The following RIC8B variants were observed in gnomAD, a reference collection of about 807,000 sequenced individuals.
RIC8B encodes RIC8 guanine nucleotide exchange factor B, also known as chaperone Ric-8B.
RIC8B carries 16 observed loss-of-function variants against 57.5 expected under a neutral mutation model. That is an observed-to-expected ratio of 0.28 (90% CI 0.19 to 0.42). RIC8B has a LOEUF of 0.42. RIC8B is among the 10% of genes least tolerant of loss of function. The pLI is 1.00. For missense variants in RIC8B, 481 were observed against 677.0 expected (o/e 0.71, Z 3.21); for synonymous variants, 216 against 250.8 (o/e 0.86, Z 1.31).
At chr12:106,826,682 G>C (rs1008705351) in intron 4 of RIC8B, among the ~76,000 whole-genome samples, 1 of 152,230 alleles carries the variant, frequency 6.6e-6, no homozygotes, top group Non-Finnish European at 1.5e-5. Context: ...CTGAACCTGG[G>C]AGGTGGAGGT....
At chr12:106,880,773 A>G (rs1950887252) in intron 9 of RIC8B, among the ~76,000 whole-genome samples, 1 of 152,060 alleles carries the variant, frequency 6.6e-6, no homozygotes, top group Non-Finnish European at 1.5e-5. Context: ...TCTATACTAG[A>G]TACTGGCAAA....
In RIC8B at chr12:106,842,745, C is replaced by G; in HGVS notation, c.993C>G (p.Thr331=). 6.2e-7 allele frequency: 1 copy of G among 1,613,698 alleles called. No homozygotes were observed. The highest frequency in any genetic ancestry group is 8.5e-7 in the Non-Finnish European group (1 of 1,179,744). Residue 331 remains threonine (T), a synonymous_variant, in exon 5 of 10, where the codon ACC becomes ACG. Transcript: ENST00000392837. ...AAGAAACAGTTTTGAAAAACAATAC[C>G]ATGGTATACAATGGTATGAATATGG... is the stretch of plus-strand genomic sequence containing the variant. ...AEKETVLKNN[T]MVYNGMNMEA...
chr12:106,822,033 G>A (rs12368479), intron 3 of RIC8B, among the ~76,000 whole-genome samples: 32,353 of 137,246 alleles, frequency 0.24, 3,715 homozygotes, highest in East Asian at 0.32. Flanking sequence ...AGCCAAGATC[G>A]TGCCACTGCA....
chr12:106,811,635 T>C (rs7964605), intron 2 of RIC8B, among the ~76,000 whole-genome samples: 58,054 of 151,874 alleles, frequency 0.38, 11,272 homozygotes, highest in African/African-American at 0.44. Context: ...AGACTCAGGA[T>C]GTATCATGGT....
Position 106,879,019 on chromosome 12 carries a change from C to T in RIC8B, c.1572-6885C>T. 3.1e-6 allele frequency: 3 copies of T among 983,434 alleles called. No homozygotes were observed. The highest frequency in any genetic ancestry group is 9.4e-5 in the South Asian group (2 of 21,208). The allele number at this position is 983,434 out of a possible 1,614,324, so 60.9% of individuals were successfully genotyped here. On this transcript the variant is annotated intron_variant, in intron 9 of 9. Coordinates refer to ENST00000392837, the MANE Select transcript of RIC8B (RefSeq NM_001330145.2). The surrounding 1 kb of genome is among the most constrained non-coding windows in gnomAD (Gnocchi z 4.9). ...CATTAATTCCATGTGTCAATACTGC[C>T]CTGTAGTACACAGAGCAGACAAGAA...
chr12:106,874,441 A>C (rs1164572902), intron 9 of RIC8B: 20 of 1,469,090 alleles, frequency 1.4e-5, no homozygotes, highest in Non-Finnish European at 1.9e-5. Context: ...TGATGTGGCC[A>C]ATGAATGGAC....
chr12:106,873,090 A>G (rs1950515895), intron 9 of RIC8B: 1 of 985,302 alleles, frequency 1.0e-6, no homozygotes, highest in East Asian at 1.1e-4. Context: ...CAAGTCTGAA[A>G]TACCCCAGCT....
intron 4 of RIC8B, among the ~76,000 whole-genome samples, chr12:106,827,166 C>A (rs577075061): frequency 6.6e-6 from 1 of 152,190 alleles, no homozygotes. Flanking sequence ...CTGAGAACAA[C>A]TGAATAAGAA....
intron 2 of RIC8B, among the ~76,000 whole-genome samples, chr12:106,785,222 G>A (rs1236038352): frequency 6.6e-6 from 1 of 152,134 alleles, no homozygotes; most frequent in Non-Finnish European, 1.5e-5. Flanking sequence ...AATGTTTCCA[G>A]TTATGCACAC....
chr12:106,774,908 C>G (rs1275462858), intron 1 of RIC8B, 79 bp downstream of exon 1: 2 of 1,052,134 alleles, frequency 1.9e-6, no homozygotes, highest in East Asian at 5.3e-5. Flanking sequence ...TCCTTCCCCA[C>G]CCCCCTCATT....
In RIC8B at chr12:106,873,193, T is replaced by C. The variant is rs1052737887; in HGVS notation, c.1571+2251T>C. On this transcript the variant is annotated intron_variant, in intron 9 of 9. Coordinates refer to ENST00000392837, the MANE Select transcript of RIC8B (RefSeq NM_001330145.2). ...ACTGAAGGTGACACTGATTTTTGCA[T>C]GTTTAAAGCAGAGCAAATATGTCTT... The C allele has an allele frequency of 1.3e-5, 13 of 985,266 alleles. No individual in the cohort carries two copies. The African/African-American group carries it at 2.3e-4, about 17-fold the overall frequency. 61.0% of individuals were successfully genotyped at this position (985,266 alleles called of 1,614,324 possible). A position where few individuals can be genotyped will look rare whatever the true frequency, so the allele number is the denominator to read the frequency against.
In RIC8B at chr12:106,778,242, T is replaced by C. The variant is rs188222963; in HGVS notation, c.84+3413T>C. On this transcript the variant is annotated intron_variant, in intron 1 of 9. Transcript: ENST00000392837. ...TTGTACCTTGTACCGCTTTTAGAGA[T>C]ACCTGTCGGGCTCCGGGAAACATCT... 8.0e-4 allele frequency among the ~76,000 whole-genome samples: 122 copies of C among 152,376 alleles called. 1 individual carries two copies. Among genetic ancestry groups the C allele is most frequent in the South Asian group, 1.0e-3 (5 of 4,828 alleles).
intron 8 of RIC8B, among the ~76,000 whole-genome samples, chr12:106,864,002 T>G (rs1487517399): frequency 6.6e-6 from 1 of 152,170 alleles, no homozygotes; most frequent in East Asian, 1.9e-4. Context: ...TAATACATGG[T>G]AGATACATAG....
At chr12:106,858,417 G>A (rs930439652) in intron 7 of RIC8B, among the ~76,000 whole-genome samples, 3 of 151,968 alleles carry the variant, frequency 2.0e-5, no homozygotes, top group Admixed American at 1.3e-4. Flanking sequence ...GCCTTCAGTC[G>A]CTTTGTGTCT....
At chr12:106,823,052 AT>A (rs2045923457) in intron 3 of RIC8B, 1 of 155,492 alleles carries the variant, frequency 6.4e-6, no homozygotes, top group East Asian at 1.9e-4. Flanking sequence ...TTTTGTCAAA[AT>A]TTAGCTGTGT....
intron 2 of RIC8B, among the ~76,000 whole-genome samples, chr12:106,813,490 T>G (rs1296641197): frequency 6.6e-6 from 1 of 152,112 alleles, no homozygotes; most frequent in African/African-American, 2.4e-5. Flanking sequence ...GCGTCCAGCC[T>G]TCTATACCAT....
At chr12:106,859,253 C>G (rs1265233786) in intron 7 of RIC8B, among the ~76,000 whole-genome samples, 1 of 152,068 alleles carries the variant, frequency 6.6e-6, no homozygotes, top group Admixed American at 6.6e-5. Context: ...AAATGAAATA[C>G]TGCTAAACAA....
chr12:106,829,677 A>T (rs1188689255), intron 4 of RIC8B, among the ~76,000 whole-genome samples: 1 of 152,042 alleles, frequency 6.6e-6, no homozygotes, highest in Non-Finnish European at 1.5e-5. Flanking sequence ...TTAAGTGTAC[A>T]ATTTGGTGGT....
rs115675179 is a variant in RIC8B, at chr12:106,845,146, G to A, written c.1161+1199G>A. 6.8e-3 allele frequency among the ~76,000 whole-genome samples: 1,032 copies of A among 152,120 alleles called. 13 individuals are homozygous for A. The highest frequency in any genetic ancestry group is 0.024 in the African/African-American group (990 of 41,472). The stretch of plus-strand genomic sequence containing the variant: ...TAGCACCTTGTGCGCTCCCTCAGTC[G>A]TACTCACCTGGCAAAACCTAACAAA... On this transcript the variant is annotated intron_variant, in intron 6 of 9. Coordinates refer to ENST00000392837, the MANE Select transcript of RIC8B (RefSeq NM_001330145.2).
Sources: gnomAD v4.1 joint callset for allele counts (sites outside exome capture counted in the v4.1 genomes callset) on GRCh38, gnomAD v4.1.1 for gene constraint, Gnocchi (gnomAD v3.1) non-coding constraint, MANE v1.5 for transcripts, NCBI Gene and HGNC (gene_info 2026-07-23, HGNC 2026-07-21) for gene names.